Variants in BCKDHB observed in about 807,000 individuals in gnomAD.
The protein encoded by BCKDHB is 2-oxoisovalerate dehydrogenase subunit beta, mitochondrial.
Under a neutral mutation model 48.5 loss-of-function variants are expected in BCKDHB, and 41 were observed. That is an observed-to-expected ratio of 0.85 (90% CI 0.66 to 1.10). The LOEUF is 1.10. Among genes scored for constraint, BCKDHB ranks in the 50% least tolerant of loss-of-function variants. The probability of loss-of-function intolerance (pLI) is 0.00; values close to 1 mark genes in which losing one functional copy is unlikely to be tolerated. For missense variants in BCKDHB, 496 were observed against 494.2 expected, an observed-to-expected ratio of 1.00 and a Z score of -0.03; for synonymous variants, 201 against 174.8, an observed-to-expected ratio of 1.15 and a Z score of -1.18.
chr6:80,232,576 G>A (rs1775972651), intron 8 of BCKDHB, among the ~76,000 whole-genome samples: 1 of 149,972 alleles, frequency 6.7e-6, no homozygotes, highest in Non-Finnish European at 1.5e-5. Flanking sequence ...ATTTGTATAT[G>A]TATGTGTATA....
chr6:80,135,694 C>G (rs1266948590), intron 3 of BCKDHB, among the ~76,000 whole-genome samples: 3 of 152,042 alleles, frequency 2.0e-5, no homozygotes, highest in African/African-American at 7.2e-5. Context: ...ATAACATTTA[C>G]TGTTTTAACC....
intron 7 of BCKDHB, 137 bp downstream of exon 7, chr6:80,201,168 CT>C: frequency 1.3e-6 from 1 of 747,326 alleles, no homozygotes; most frequent in Non-Finnish European, 2.4e-6. Context: ...ATGCTAATTT[CT>C]TTTTTCCCTC....
intron 3 of BCKDHB, among the ~76,000 whole-genome samples, chr6:80,161,447 A>C (rs1772314261): frequency 6.6e-6 from 1 of 152,228 alleles, no homozygotes; most frequent in Non-Finnish European, 1.5e-5. Flanking sequence ...CAGAAAAAAA[A>C]AATGTGATTT....
At chr6:80,448,602 A>ATTT in the BCKDHB span, among the ~76,000 whole-genome samples, 1 of 152,212 alleles carries the variant, frequency 6.6e-6, no homozygotes, top group East Asian at 1.9e-4. Flanking sequence ...TTCACAGATA[A>ATTT]TTTTTTATTG....
At chr6:80,264,433 G>A (rs138716522) in intron 8 of BCKDHB, among the ~76,000 whole-genome samples, 4 of 152,164 alleles carry the variant, frequency 2.6e-5, no homozygotes, top group Non-Finnish European at 5.9e-5. Context: ...CTAATTACTG[G>A]CACAATATGG....
chr6:80,388,071 G>T, the BCKDHB span, among the ~76,000 whole-genome samples: 1,010 of 152,352 alleles, frequency 6.6e-3, 12 homozygotes, highest in Non-Finnish European at 0.01. Flanking sequence ...AACCAAGAGA[G>T]AGGCACAATG....
chr6:80,336,201 A>G (rs1013170790), intron 9 of BCKDHB, among the ~76,000 whole-genome samples: 1 of 151,886 alleles, frequency 6.6e-6, no homozygotes, highest in African/African-American at 2.4e-5. Context: ...CAGTTTCTAT[A>G]GGTAATATAT....
At chr6:80,281,376 T>C (rs1190353108) in intron 9 of BCKDHB, among the ~76,000 whole-genome samples, 1 of 152,112 alleles carries the variant, frequency 6.6e-6, no homozygotes, top group African/African-American at 2.4e-5. Flanking sequence ...ATGAGACAAG[T>C]GCAGAAGAGT....
At chr6:80,446,536 A>C in the BCKDHB span, among the ~76,000 whole-genome samples, 1 of 152,156 alleles carries the variant, frequency 6.6e-6, no homozygotes, top group African/African-American at 2.4e-5. Flanking sequence ...CGAACTCGGT[A>C]ATGAGGGGCA....
the BCKDHB span, among the ~76,000 whole-genome samples, chr6:80,424,775 AT>A: frequency 2.3e-4 from 35 of 152,152 alleles, no homozygotes; most frequent in African/African-American, 8.4e-4. Context: ...AGCAATTAGA[AT>A]TTTTTAGCAA....
chr6:80,201,333 T>TG (rs1054849185), intron 7 of BCKDHB, among the ~76,000 whole-genome samples: 1 of 151,872 alleles, frequency 6.6e-6, no homozygotes, highest in Non-Finnish European at 1.5e-5. Context: ...TGTGTGGGGG[T>TG]GGGGGCGAGG....
rs546979428 is a variant in BCKDHB, at chr6:80,300,298, C to A, written c.1038+27077C>A. ...AAATCCTGGGCTCAAGCGATCCACA[C>A]ATCTCAGCCTCTCAAAGTGCTGGGA... On this transcript the variant is annotated intron_variant, in intron 9 of 9. Coordinates refer to ENST00000320393, the MANE Select transcript of BCKDHB (RefSeq NM_183050.4). Among the ~76,000 whole-genome samples the A allele has an allele frequency of 5.0e-4, 76 of 152,256 alleles. 1 individual carries two copies. The highest frequency in any genetic ancestry group is 2.1e-3 in the South Asian group (10 of 4,828).
At chr6:80,397,339 G>T in the BCKDHB span, among the ~76,000 whole-genome samples, 4 of 152,082 alleles carry the variant, frequency 2.6e-5, no homozygotes, top group East Asian at 1.9e-4. Context: ...GATATCTTTT[G>T]TCTACTCATA....
At chr6:80,260,504 T>A (rs1462652978) in intron 8 of BCKDHB, among the ~76,000 whole-genome samples, 5 of 152,098 alleles carry the variant, frequency 3.3e-5, no homozygotes, top group African/African-American at 1.2e-4. Context: ...CATCACCAAG[T>A]ACAATATGGG....
intron 9 of BCKDHB, among the ~76,000 whole-genome samples, chr6:80,296,371 G>T (rs986490973): frequency 6.6e-6 from 1 of 152,174 alleles, no homozygotes; most frequent in Non-Finnish European, 1.5e-5. Context: ...GTGATTTTAT[G>T]TAGCCATTAT....
intron 3 of BCKDHB, among the ~76,000 whole-genome samples, chr6:80,143,349 C>G (rs1410190404): frequency 2.6e-5 from 4 of 152,136 alleles, no homozygotes; most frequent in Admixed American, 6.6e-5. Flanking sequence ...CTAATTCTGT[C>G]TTGGAAATCC....
At chr6:80,456,601 T>A in the BCKDHB span, among the ~76,000 whole-genome samples, 1 of 152,238 alleles carries the variant, frequency 6.6e-6, no homozygotes, top group Non-Finnish European at 1.5e-5. Context: ...GCTAAGCATT[T>A]AAGTATGAAG....
At chr6:80,387,205 C>T in the BCKDHB span, among the ~76,000 whole-genome samples, 4 of 152,204 alleles carry the variant, frequency 2.6e-5, no homozygotes, top group African/African-American at 9.6e-5. Flanking sequence ...CAGTGGGTTC[C>T]TGGACTCATC....
At chr6:80,439,970 G>A in the BCKDHB span, among the ~76,000 whole-genome samples, 5 of 152,332 alleles carry the variant, frequency 3.3e-5, no homozygotes, top group Admixed American at 2.6e-4. Flanking sequence ...ACTGAGAGAT[G>A]AAGTCAGAGA....
Sources: gnomAD v4.1 joint callset for allele counts (sites outside exome capture counted in the v4.1 genomes callset) on GRCh38, gnomAD v4.1.1 for gene constraint, MANE v1.5 for transcripts, NCBI Gene and HGNC (gene_info 2026-07-23, HGNC 2026-07-21) for gene names.